The following MAP4K3 variants were observed in gnomAD, a reference collection of about 807,000 sequenced individuals.
The protein encoded by MAP4K3 is MAPK/ERK kinase kinase kinase 3.
Under a neutral mutation model 143.5 loss-of-function variants are expected in MAP4K3, and 94 were observed. The observed-to-expected ratio is 0.65, with a 90% CI of 0.55 to 0.78. MAP4K3 has a LOEUF of 0.78. MAP4K3 is among the 30% of genes least tolerant of loss of function. MAP4K3 has a pLI of 0.00. For missense variants in MAP4K3, 1,077 were observed against 1,068.1 expected (o/e 1.01, Z -0.12); for synonymous variants, 416 against 347.2 (o/e 1.20, Z -2.20).
intron 29 of MAP4K3, among the ~76,000 whole-genome samples, chr2:39,259,019 T>TTC (rs1680455775): frequency 6.6e-6 from 1 of 151,668 alleles, no homozygotes; most frequent in Non-Finnish European, 1.5e-5. Context: ...TGTTTTTTTT[T>TTC]TTTGCGCCTG....
chr2:39,267,045 C>A (rs573925948), intron 27 of MAP4K3, 144 bp downstream of exon 27: 14 of 698,256 alleles, frequency 2.0e-5, no homozygotes, highest in African/African-American at 1.4e-4. Context: ...TTAGTCTACA[C>A]AGAGATGAAA....
At chr2:39,392,908 G>A (rs949498616) in intron 1 of MAP4K3, among the ~76,000 whole-genome samples, 15 of 152,158 alleles carry the variant, frequency 9.9e-5, no homozygotes, top group African/African-American at 3.4e-4. Context: ...CCAAAACTGT[G>A]AGCCAAATAA....
rs1666652298 is a variant in MAP4K3, at chr2:39,391,370, A to AAAAG, written c.97-13248_97-13247insCTTT. Among the ~76,000 whole-genome samples the AAAAG allele has an allele frequency of 2.0e-5, 3 of 149,782 alleles. No individual in the cohort carries two copies. In the South Asian group the frequency reaches 6.3e-4, roughly 31 times the overall value. On this transcript the variant is annotated intron_variant, in intron 1 of 33. Transcript: ENST00000263881. ...CAAGACTCCATCTCAAAAAAAAAAAAAAAAAAAAAAAGAAAGAAAGAAAGA... is the reference window on the plus strand; with the variant it reads ...CAAGACTCCATCTCAAAAAAAAAAAAAAAGAAAAAAAAAAAGAAAGAAAGAAAGA...
chr2:39,431,895 C>A (rs184101240), intron 1 of MAP4K3, among the ~76,000 whole-genome samples: 65 of 152,246 alleles, frequency 4.3e-4, no homozygotes, highest in Admixed American at 3.1e-3. Context: ...GGTGGTGAAA[C>A]TAGGCAGCCT....
intron 24 of MAP4K3, among the ~76,000 whole-genome samples, chr2:39,273,591 A>G (rs190060699): frequency 0.028 from 4,301 of 152,310 alleles, 67 homozygotes; most frequent in African/African-American, 0.037. Flanking sequence ...TTATGGAAAC[A>G]CAGCCATAAT....
chr2:39,275,386 T>C (rs1208798034), intron 24 of MAP4K3, among the ~76,000 whole-genome samples: 1 of 152,258 alleles, frequency 6.6e-6, no homozygotes, highest in East Asian at 1.9e-4. Context: ...CTGAGAACGC[T>C]GAGGTGGGTC....
intron 24 of MAP4K3, among the ~76,000 whole-genome samples, chr2:39,275,930 T>C (rs1460807367): frequency 6.6e-6 from 1 of 152,202 alleles, no homozygotes; most frequent in Non-Finnish European, 1.5e-5. Context: ...TGGAGTGCAG[T>C]GGCGTGATCT....
chr2:39,379,787 G>C (rs1046484239), intron 1 of MAP4K3: 1 of 168,752 alleles, frequency 5.9e-6, no homozygotes, highest in East Asian at 1.9e-4. Flanking sequence ...ATTCTACTAT[G>C]GAAGAGCAGA....
chr2:39,414,833 C>T (rs1258255267), intron 1 of MAP4K3, among the ~76,000 whole-genome samples: 7 of 151,314 alleles, frequency 4.6e-5, no homozygotes, highest in Non-Finnish European at 2.9e-5. Flanking sequence ...GCTGAGATGA[C>T]GCCACTGCAC....
At chr2:39,288,991 G>C (rs1192857596) in intron 19 of MAP4K3, among the ~76,000 whole-genome samples, 1 of 152,218 alleles carries the variant, frequency 6.6e-6, no homozygotes, top group African/African-American at 2.4e-5. Flanking sequence ...GGCGTAGCTT[G>C]CAGTGAGCCA....
intron 26 of MAP4K3, among the ~76,000 whole-genome samples, chr2:39,270,412 C>T (rs1050913918): frequency 7.2e-5 from 11 of 152,144 alleles, no homozygotes; most frequent in South Asian, 2.1e-4. Context: ...ATGTATTTAA[C>T]ATAGGATATT....
intron 32 of MAP4K3, 38 bp downstream of exon 32, chr2:39,254,409 GATA>G (rs751042985): frequency 6.7e-7 from 1 of 1,487,100 alleles, no homozygotes; most frequent in South Asian, 1.1e-5. Context: ...AGTGGAATTT[GATA>G]ATGTCTTGTG....
At chr2:39,297,929 C>T (rs983385821) in intron 16 of MAP4K3, among the ~76,000 whole-genome samples, 4 of 151,838 alleles carry the variant, frequency 2.6e-5, no homozygotes, top group African/African-American at 9.7e-5. Context: ...CTATACACTA[C>T]GAAAATGTCT....
At chr2:39,396,599 A>G (rs1171180852) in intron 1 of MAP4K3, among the ~76,000 whole-genome samples, 1 of 150,846 alleles carries the variant, frequency 6.6e-6, no homozygotes, top group African/African-American at 2.4e-5. Context: ...TCAGCCTCCC[A>G]AGTAGCTGGG....
chr2:39,354,828 T>C (rs182967230), intron 3 of MAP4K3, among the ~76,000 whole-genome samples: 2 of 152,226 alleles, frequency 1.3e-5, no homozygotes, highest in African/African-American at 4.8e-5. Flanking sequence ...TTTTCTGTTG[T>C]GCCCAAAAGA....
chr2:39,367,843 C>A lies in MAP4K3; in HGVS notation c.154+10223G>T, dbSNP rs146034357. Among the ~76,000 whole-genome samples the A allele has an allele frequency of 1.4e-4, 22 of 152,314 alleles. No individual in the cohort carries two copies. In the East Asian group the frequency reaches 3.7e-3, roughly 25 times the overall value. ...CATGTTTATGTATTATGCATATATA[C>A]ATACATATATCTGTGCTTTGTACAT... On this transcript the variant is annotated intron_variant, in intron 2 of 33. Coordinates refer to ENST00000263881, the MANE Select transcript of MAP4K3 (RefSeq NM_003618.4).
chr2:39,286,989 AATG>A, intron 20 of MAP4K3, 25 bp from the exon 21 acceptor site: 1 of 1,446,978 alleles, frequency 6.9e-7, no homozygotes, highest in South Asian at 1.3e-5. Context: ...ATTCATTGAA[AATG>A]ATTAATCTTC....
chr2:39,327,629 G>A (rs531516431), intron 8 of MAP4K3, among the ~76,000 whole-genome samples: 7 of 152,230 alleles, frequency 4.6e-5, no homozygotes, highest in African/African-American at 1.7e-4. Flanking sequence ...AGTCAGTAAA[G>A]TCAAAAACAA....
chr2:39,341,858 TC>T (rs1226375187), intron 4 of MAP4K3, among the ~76,000 whole-genome samples: 1 of 151,994 alleles, frequency 6.6e-6, no homozygotes, highest in African/African-American at 2.4e-5. Context: ...ATCTTTGAAA[TC>T]AAAATGCCAC....
Sources: allele counts gnomAD v4.1 joint callset (sites outside exome capture counted in the v4.1 genomes callset), GRCh38; gene constraint gnomAD v4.1.1; transcripts MANE v1.5; gene names NCBI Gene and HGNC (gene_info 2026-07-23, HGNC 2026-07-21).